The following STK3 variants were observed in gnomAD, a reference collection of about 807,000 sequenced individuals.
STK3 encodes serine/threonine-protein kinase 3.
In STK3, 41 loss-of-function variants were observed where a neutral mutation model predicts 58.0. The ratio of observed to expected loss-of-function variants is 0.71; its 90% CI spans 0.55 to 0.92. The LOEUF (loss-of-function observed/expected upper bound fraction) is 0.92. Ranked by LOEUF, STK3 falls within the 40% of genes least tolerant of loss-of-function variation. STK3 has a pLI of 0.00. For missense variants in STK3, 479 were observed against 602.7 expected, an observed-to-expected ratio of 0.79 and a Z score of 2.15; for synonymous variants, 170 against 191.0, an observed-to-expected ratio of 0.89 and a Z score of 0.91.
intron 6 of STK3, among the ~76,000 whole-genome samples, chr8:98,625,812 A>G (rs900580413): frequency 3.5e-4 from 54 of 152,352 alleles, no homozygotes; most frequent in African/African-American, 1.3e-3. Context: ...GACAACCACC[A>G]CAGAAAAAAC....
chr8:98,464,561 A>AAAG (rs1563628525), intron 10 of STK3, among the ~76,000 whole-genome samples: 7 of 149,036 alleles, frequency 4.7e-5, no homozygotes, highest in African/African-American at 1.5e-4. Context: ...AAAAAAAAAA[A>AAAG]AAAGAAAGAA....
At chr8:98,861,999 G>A (rs192226691) in intron 3 of STK3, among the ~76,000 whole-genome samples, 1 of 152,324 alleles carries the variant, frequency 6.6e-6, no homozygotes, top group East Asian at 1.9e-4. Flanking sequence ...GCCAGATTCA[G>A]TAAATGTGCA....
intron 3 of STK3, among the ~76,000 whole-genome samples, chr8:98,415,280 A>G (rs369215736): frequency 2.6e-5 from 4 of 152,320 alleles, no homozygotes; most frequent in East Asian, 3.9e-4. Context: ...TTCTTTATAA[A>G]TTATCCAGTC....
rs559633284 is a variant in STK3 at position 98,412,268 on chromosome 8, A to G, written n.484-10755T>C. Among the ~76,000 whole-genome samples, 11 of 152,332 alleles carry G rather than the reference A, an allele frequency of 7.2e-5. No individual in the cohort carries two copies. The South Asian group carries it at 2.3e-3, about 32-fold the overall frequency. Reference sequence around the variant, plus strand: ...ACCCTCTACTGTCTCTAGGGCAGTGAGGTGGTTGGCCACTAGAACAGACAT... The same window carrying G: ...ACCCTCTACTGTCTCTAGGGCAGTGGGGTGGTTGGCCACTAGAACAGACAT... On this transcript the variant is annotated intron_variant and non_coding_transcript_variant, in intron 3 of 3. Coordinates refer to the STK3 transcript ENST00000517832.
upstream of STK3, among the ~76,000 whole-genome samples, chr8:98,392,196 G>C (rs1817855202): frequency 6.6e-6 from 1 of 152,034 alleles, no homozygotes; most frequent in Non-Finnish European, 1.5e-5. Flanking sequence ...ATAGTCGTTT[G>C]GGGACTTATT....
downstream of STK3, among the ~76,000 whole-genome samples, chr8:98,454,363 C>T (rs1177142431): frequency 6.6e-6 from 1 of 152,180 alleles, no homozygotes; most frequent in African/African-American, 2.4e-5. Flanking sequence ...TCTCCAGCTC[C>T]CCTTCTCCTT....
chr8:98,940,648 C>A (rs1281819070), intron 1 of STK3, among the ~76,000 whole-genome samples: 2 of 152,188 alleles, frequency 1.3e-5, no homozygotes, highest in Admixed American at 6.5e-5. Flanking sequence ...TGCACGCGGT[C>A]CCCTGGGAAA....
chr8:98,907,579 A>T (rs1299939288), intron 1 of STK3, among the ~76,000 whole-genome samples: 1 of 152,192 alleles, frequency 6.6e-6, no homozygotes, highest in Non-Finnish European at 1.5e-5. Flanking sequence ...TTTCGTTCAT[A>T]ATCCTCCATG....
chr8:98,389,093 A>G (rs1326256750), upstream of STK3, among the ~76,000 whole-genome samples: 1 of 152,230 alleles, frequency 6.6e-6, no homozygotes, highest in Non-Finnish European at 1.5e-5. Context: ...TCTCTCAAGC[A>G]TGGCTGATTG....
chr8:98,720,202 T>A (rs549566562), intron 4 of STK3, among the ~76,000 whole-genome samples: 120 of 152,358 alleles, frequency 7.9e-4, no homozygotes, highest in African/African-American at 2.8e-3. Flanking sequence ...AGGCATACTG[T>A]TGTCTTAAAT....
At chr8:98,382,112 G>GGGGAGCTGAGTGCAGACTGGGGC (rs554777793) in intron 1 of STK3, among the ~76,000 whole-genome samples, 334 of 152,284 alleles carry the variant, frequency 2.2e-3, no homozygotes, top group Non-Finnish European at 3.4e-3. Context: ...GTGGTGGGCT[G>GGGGAGCTGAGTGCAGACTGGGGC]GGGAGCTGAG....
At chr8:98,719,443 A>G (rs548982228) in intron 4 of STK3, among the ~76,000 whole-genome samples, 5 of 152,318 alleles carry the variant, frequency 3.3e-5, no homozygotes, top group Admixed American at 3.3e-4. Flanking sequence ...AAGAATGTTC[A>G]GAATTAAATA....
intron 4 of STK3, among the ~76,000 whole-genome samples, chr8:98,745,112 A>C (rs1829552699): frequency 6.6e-6 from 1 of 152,208 alleles, no homozygotes; most frequent in Non-Finnish European, 1.5e-5. Context: ...AAAGATGTTT[A>C]TCTAACCTCT....
chr8:98,586,952 A>C (rs1450385191), intron 7 of STK3, among the ~76,000 whole-genome samples: 3 of 151,556 alleles, frequency 2.0e-5, no homozygotes, highest in Non-Finnish European at 4.4e-5. Flanking sequence ...TATCCCCTTT[A>C]TCATTTTTTA....
At chr8:98,532,645 A>T (rs1224707177) in intron 9 of STK3, among the ~76,000 whole-genome samples, 2 of 152,190 alleles carry the variant, frequency 1.3e-5, no homozygotes, top group African/African-American at 4.8e-5. Context: ...GAAGCACAAA[A>T]AAGCAAATTG....
intron 6 of STK3, among the ~76,000 whole-genome samples, chr8:98,695,068 T>C (rs1001987089): frequency 4.6e-5 from 7 of 152,212 alleles, no homozygotes; most frequent in Non-Finnish European, 8.8e-5. Context: ...TGGTGTCTCA[T>C]TGTGGTTTTG....
chr8:98,348,057 G>A, the STK3 span, among the ~76,000 whole-genome samples: 14 of 152,112 alleles, frequency 9.2e-5, no homozygotes, highest in Admixed American at 4.6e-4. Context: ...TGAGAGAATC[G>A]ACAAATAGAA....
intron 3 of STK3, among the ~76,000 whole-genome samples, chr8:98,838,397 T>G (rs1224232619): frequency 6.6e-6 from 1 of 152,182 alleles, no homozygotes; most frequent in Non-Finnish European, 1.5e-5. Context: ...TTGACTGAAC[T>G]AAGCAGAAAG....
At chr8:98,404,702 T>G (rs1039776480) in intron 3 of STK3, among the ~76,000 whole-genome samples, 29 of 79,606 alleles carry the variant, frequency 3.6e-4, no homozygotes, top group African/African-American at 1.3e-3. Context: ...AAAAAAAAAT[T>G]TAGCTGGGTA....
Sources: gnomAD v4.1 joint callset for allele counts (sites outside exome capture counted in the v4.1 genomes callset) on GRCh38, gnomAD v4.1.1 for gene constraint, MANE v1.5 for transcripts, NCBI Gene and HGNC (gene_info 2026-07-23, HGNC 2026-07-21) for gene names.